The following CDH18 variants were observed in gnomAD, a reference collection of about 807,000 sequenced individuals.
CDH18 encodes cadherin-18.
A neutral mutation model predicts 67.9 loss-of-function variants in CDH18; 31 were observed. The observed-to-expected ratio is 0.46, with a 90% CI of 0.34 to 0.62. CDH18 has a LOEUF of 0.62. CDH18 is among the 20% of genes least tolerant of loss of function. The probability of loss-of-function intolerance (pLI) is 0.01; values close to 1 mark genes in which losing one functional copy is unlikely to be tolerated. For missense variants in CDH18, 890 were observed against 975.5 expected (o/e 0.91, Z 1.17); for synonymous variants, 362 against 347.2 (o/e 1.04, Z -0.48).
intron 1 of CDH18, among the ~76,000 whole-genome samples, chr5:20,445,757 G>C (rs1174615636): frequency 6.6e-6 from 1 of 152,124 alleles, no homozygotes; most frequent in Non-Finnish European, 1.5e-5. Flanking sequence ...TTATTTAATG[G>C]AGATTAACAG....
At chr5:19,674,227 T>C (rs1424398102) in intron 5 of CDH18, among the ~76,000 whole-genome samples, 1 of 152,096 alleles carries the variant, frequency 6.6e-6, no homozygotes, top group Non-Finnish European at 1.5e-5. Flanking sequence ...AAATTAGAAG[T>C]TGACTTTGCA....
intron 2 of CDH18, among the ~76,000 whole-genome samples, chr5:20,160,656 A>T (rs917273594): frequency 1.3e-5 from 2 of 152,194 alleles, no homozygotes; most frequent in African/African-American, 2.4e-5. Flanking sequence ...TAGAAATAGA[A>T]AGAAGGCCCA....
intron 1 of CDH18, among the ~76,000 whole-genome samples, chr5:20,444,922 C>G (rs1749893416): frequency 6.6e-6 from 1 of 152,064 alleles, no homozygotes; most frequent in Non-Finnish European, 1.5e-5. Context: ...AATATGCCAG[C>G]TGAAAGCAAG....
At chr5:19,956,983 A>G (rs1306810225) in intron 2 of CDH18, among the ~76,000 whole-genome samples, 1 of 151,964 alleles carries the variant, frequency 6.6e-6, no homozygotes, top group Non-Finnish European at 1.5e-5. Context: ...ATAGCTATCT[A>G]TAATTACTTT....
chr5:20,234,551 A>G (rs1742330266), intron 2 of CDH18, among the ~76,000 whole-genome samples: 1 of 152,052 alleles, frequency 6.6e-6, no homozygotes, highest in African/African-American at 2.4e-5. Flanking sequence ...GTAAACCAGA[A>G]AGCAGGCCCT....
chr5:20,364,663 T>G (rs1742368986), intron 1 of CDH18, among the ~76,000 whole-genome samples: 1 of 152,250 alleles, frequency 6.6e-6, no homozygotes, highest in South Asian at 2.1e-4. Flanking sequence ...CATATTGATT[T>G]ATCTAAATCT....
chr5:20,574,211 A>T (rs1758989137), intron 1 of CDH18, among the ~76,000 whole-genome samples: 1 of 151,814 alleles, frequency 6.6e-6, no homozygotes, highest in Non-Finnish European at 1.5e-5. Context: ...GTGTTTTTTT[A>T]AATATGCATT....
At chr5:20,148,961 T>G (rs60392644) in intron 2 of CDH18, among the ~76,000 whole-genome samples, 6,364 of 152,108 alleles carry the variant, frequency 0.042, 442 homozygotes, top group African/African-American at 0.15. Context: ...ATGCTAGAAC[T>G]TTGTCTCAGT....
Position 20,447,528 on chromosome 5 carries a change from T to C in CDH18, c.-580+127934A>G, listed in dbSNP as rs1489659511. Among the ~76,000 whole-genome samples, 3 of 152,176 alleles carry C rather than the reference T, an allele frequency of 2.0e-5. No homozygotes were observed. The East Asian group carries it at 5.8e-4, about 29-fold the overall frequency. On this transcript the variant is annotated intron_variant, in intron 1 of 14. Transcript: ENST00000507958. ...GAGACCAATTCTCACTAGCCAGTAC[T>C]TTGATTTTATACTTCCCAGCTCTCA...
chr5:19,546,631 G>T lies in CDH18; in HGVS notation c.1254-2626C>A, dbSNP rs114159157. On this transcript the variant is annotated intron_variant, in intron 8 of 12. Coordinates refer to ENST00000382275, the MANE Select transcript of CDH18 (RefSeq NM_004934.5). ...TCTAGAACAGAGTGTAAGTGGAATT[G>T]CAATACAACCAACCCCATGCCTCTC... Among the ~76,000 whole-genome samples, 1,175 of 152,252 alleles carry T rather than the reference G, an allele frequency of 7.7e-3. 7 individuals carry two copies. Among genetic ancestry groups the T allele is most frequent in the Non-Finnish European group, 0.011 (777 of 68,008 alleles).
chr5:19,474,487 C>A (rs1240753991), intron 12 of CDH18, among the ~76,000 whole-genome samples: 3 of 151,898 alleles, frequency 2.0e-5, no homozygotes, highest in African/African-American at 7.3e-5. Context: ...CAGACTTTGG[C>A]GATAACCTTG....
At chr5:20,097,554 A>G (rs1319102138) in intron 2 of CDH18, among the ~76,000 whole-genome samples, 1 of 152,150 alleles carries the variant, frequency 6.6e-6, no homozygotes, top group Non-Finnish European at 1.5e-5. Flanking sequence ...ATTCCAGGTA[A>G]GATTTGGGTG....
At chr5:19,826,701 C>T (rs191036707) in intron 3 of CDH18, among the ~76,000 whole-genome samples, 1 of 152,268 alleles carries the variant, frequency 6.6e-6, no homozygotes, top group East Asian at 1.9e-4. Context: ...TTTGTTACCA[C>T]CAGACCTGCC....
At chr5:20,276,417 A>G (rs972621211) in intron 1 of CDH18, among the ~76,000 whole-genome samples, 1 of 152,148 alleles carries the variant, frequency 6.6e-6, no homozygotes, top group Non-Finnish European at 1.5e-5. Flanking sequence ...CCTTGATGTT[A>G]TTTCTAGACC....
intron 1 of CDH18, among the ~76,000 whole-genome samples, chr5:20,499,830 A>T (rs992678158): frequency 2.0e-5 from 3 of 152,178 alleles, no homozygotes; most frequent in African/African-American, 7.2e-5. Flanking sequence ...CAGGACAAAT[A>T]ATTTAAATTT....
chr5:20,235,155 A>T (rs1742376617), intron 2 of CDH18, among the ~76,000 whole-genome samples: 1 of 152,280 alleles, frequency 6.6e-6, no homozygotes, highest in South Asian at 2.1e-4. Flanking sequence ...CTTAAATGTA[A>T]GACTTCAAAA....
At chr5:19,823,371 T>C (rs1054419642) in intron 3 of CDH18, among the ~76,000 whole-genome samples, 7 of 152,246 alleles carry the variant, frequency 4.6e-5, no homozygotes, top group Admixed American at 3.3e-4. Flanking sequence ...TGTTCAGAGA[T>C]TGCAGTAAAG....
At chr5:19,916,228 C>G (rs1332706333) in intron 2 of CDH18, among the ~76,000 whole-genome samples, 2 of 152,168 alleles carry the variant, frequency 1.3e-5, no homozygotes, top group Non-Finnish European at 2.9e-5. Flanking sequence ...ACTGCAAGAT[C>G]TGGCCTCTAG....
At chr5:20,465,308 C>T (rs1275095553) in intron 1 of CDH18, among the ~76,000 whole-genome samples, 1 of 152,016 alleles carries the variant, frequency 6.6e-6, no homozygotes, top group Admixed American at 6.6e-5. Flanking sequence ...GCACTAACAG[C>T]TGCTAATAAT....
Sources: gnomAD v4.1 joint callset for allele counts (sites outside exome capture counted in the v4.1 genomes callset) on GRCh38, gnomAD v4.1.1 for gene constraint, MANE v1.5 for transcripts, NCBI Gene and HGNC (gene_info 2026-07-23, HGNC 2026-07-21) for gene names.